QTMAN: variants seen among roughly 807,000 people sequenced by gnomAD.
QTMAN encodes queuosine-tRNA mannosyltransferase.
At chr2:144,197,507 T>G in the QTMAN span, among the ~76,000 whole-genome samples, 2 of 152,136 alleles carry the variant, frequency 1.3e-5, no homozygotes, top group African/African-American at 4.8e-5. Context: ...TATGAAAAAT[T>G]TATTATTAGC....
At chr2:144,203,967 C>T in the QTMAN span, among the ~76,000 whole-genome samples, 24 of 148,176 alleles carry the variant, frequency 1.6e-4, no homozygotes, top group South Asian at 6.5e-4. Context: ...AACTGGATCC[C>T]TTCCTTACAC....
At chr2:143,942,241 A>G in the QTMAN span, 17 of 167,276 alleles carry the variant, frequency 1.0e-4, no homozygotes, top group African/African-American at 4.1e-4. Flanking sequence ...AACTCAGATA[A>G]TGATAGATGA....
At chr2:144,138,056 A>C in the QTMAN span, among the ~76,000 whole-genome samples, 1 of 152,036 alleles carries the variant, frequency 6.6e-6, no homozygotes, top group Non-Finnish European at 1.5e-5. Context: ...CCAACCCCTT[A>C]AGTGTCAAGA....
chr2:144,172,304 C>A, the QTMAN span, among the ~76,000 whole-genome samples: 1 of 151,718 alleles, frequency 6.6e-6, no homozygotes, highest in Non-Finnish European at 1.5e-5. Flanking sequence ...AAATATCAAA[C>A]CTCAAATAAC....
chr2:144,303,749 T>C, the QTMAN span, among the ~76,000 whole-genome samples: 1 of 152,136 alleles, frequency 6.6e-6, no homozygotes, highest in African/African-American at 2.4e-5. Context: ...ACCAGAAAAT[T>C]TGATAAACAT....
the QTMAN span, among the ~76,000 whole-genome samples, chr2:144,050,919 GT>G: frequency 1.3e-5 from 2 of 152,136 alleles, no homozygotes; most frequent in Non-Finnish European, 2.9e-5. Flanking sequence ...TTGATCTGTA[GT>G]TGGTTGAATC....
the QTMAN span, among the ~76,000 whole-genome samples, chr2:144,129,263 C>G: frequency 6.6e-6 from 1 of 151,812 alleles, no homozygotes; most frequent in Admixed American, 6.6e-5. Context: ...GATAAATCAG[C>G]TCTCTAAATG....
chr2:143,940,049 C>T, the QTMAN span: 17 of 152,276 alleles, frequency 1.1e-4, no homozygotes, highest in African/African-American at 3.9e-4. Flanking sequence ...ACGTTTTGTA[C>T]AATTTTTATG....
the QTMAN span, among the ~76,000 whole-genome samples, chr2:144,184,248 CT>C: frequency 3.9e-5 from 6 of 152,040 alleles, no homozygotes; most frequent in Non-Finnish European, 8.8e-5. Flanking sequence ...GCCAATCCTT[CT>C]TTTTTTAATA....
the QTMAN span, chr2:144,177,218 G>A: frequency 1.4e-6 from 1 of 699,288 alleles, no homozygotes; most frequent in African/African-American, 1.8e-5. Flanking sequence ...GAGTCAACAT[G>A]TGAAGACATC....
At chr2:144,216,297 C>G in the QTMAN span, among the ~76,000 whole-genome samples, 1 of 152,170 alleles carries the variant, frequency 6.6e-6, no homozygotes, top group African/African-American at 2.4e-5. Flanking sequence ...TGTAGTCACA[C>G]GTTCTGCTTC....
chr2:144,144,587 GGCT>G, the QTMAN span, among the ~76,000 whole-genome samples: 2 of 151,514 alleles, frequency 1.3e-5, no homozygotes, highest in Non-Finnish European at 2.9e-5. Context: ...ATTTTAAAAC[GGCT>G]GCTTTTTTTA....
chr2:143,983,622 T>C, the QTMAN span, among the ~76,000 whole-genome samples: 2 of 151,994 alleles, frequency 1.3e-5, no homozygotes, highest in Non-Finnish European at 2.9e-5. Flanking sequence ...ACAGGTCCCC[T>C]GCCACCATGC....
the QTMAN span, among the ~76,000 whole-genome samples, chr2:144,180,130 T>C: frequency 6.6e-6 from 1 of 152,186 alleles, no homozygotes; most frequent in Non-Finnish European, 1.5e-5. Flanking sequence ...ACAGGTAATC[T>C]TAAGGCCACA....
At chr2:144,042,462 A>G in the QTMAN span, among the ~76,000 whole-genome samples, 2 of 152,168 alleles carry the variant, frequency 1.3e-5, no homozygotes, top group African/African-American at 4.8e-5. Context: ...TCCCTTTAGA[A>G]AGAACAATGA....
At chr2:144,276,494 T>C in the QTMAN span, among the ~76,000 whole-genome samples, 4 of 152,196 alleles carry the variant, frequency 2.6e-5, no homozygotes, top group African/African-American at 9.7e-5. Context: ...CAGGCCTCTA[T>C]ATTTGAGATT....
chr2:144,020,164 G>A, the QTMAN span, among the ~76,000 whole-genome samples: 1 of 151,348 alleles, frequency 6.6e-6, no homozygotes, highest in Non-Finnish European at 1.5e-5. Flanking sequence ...GGGAATGGGG[G>A]AAGGGAAGTG....
the QTMAN span, among the ~76,000 whole-genome samples, chr2:144,155,460 A>G: frequency 6.6e-6 from 1 of 152,198 alleles, no homozygotes; most frequent in African/African-American, 2.4e-5. Flanking sequence ...TTTATAATTC[A>G]TCTCATGATT....
the QTMAN span, among the ~76,000 whole-genome samples, chr2:144,110,687 C>CCG: frequency 7.0e-6 from 1 of 142,058 alleles, no homozygotes; most frequent in East Asian, 2.2e-4. Context: ...CGACCCCCCC[C>CCG]CAAAAAAAAA....
Sources: gnomAD v4.1 joint callset for allele counts (sites outside exome capture counted in the v4.1 genomes callset) on GRCh38, gnomAD v4.1.1 for gene constraint, MANE v1.5 for transcripts, NCBI Gene and HGNC (gene_info 2026-07-23, HGNC 2026-07-21) for gene names.